DEPDC5: variants seen among roughly 807,000 people sequenced by gnomAD.
The protein encoded by DEPDC5 is DEP domain containing 5, GATOR1 subcomplex subunit.
In DEPDC5, 73 loss-of-function variants were observed where a neutral mutation model predicts 217.3. The observed-to-expected ratio is 0.34, with a 90% confidence interval of 0.28 to 0.41. The LOEUF is 0.41. DEPDC5 is among the 10% of genes least tolerant of loss of function. The pLI, the probability that DEPDC5 is intolerant of heterozygous loss-of-function variation, is 1.00. For missense variants in DEPDC5, 1,675 were observed against 2,070.1 expected, an observed-to-expected ratio of 0.81 and a Z score of 3.70; for synonymous variants, 733 against 756.7, an observed-to-expected ratio of 0.97 and a Z score of 0.51.
chr22:31,852,436 G>A (rs752186735), intron 31 of DEPDC5, among the ~76,000 whole-genome samples: 2 of 150,786 alleles, frequency 1.3e-5, no homozygotes, highest in Non-Finnish European at 2.9e-5. Context: ...CATCTTCTGG[G>A]TTCAAGTGAT....
chr22:31,812,741 T>C (rs1397529511), intron 20 of DEPDC5, among the ~76,000 whole-genome samples: 3 of 140,646 alleles, frequency 2.1e-5, no homozygotes, highest in Non-Finnish European at 4.7e-5. Flanking sequence ...CAGATTTCTT[T>C]CTTTTTTTTT....
chr22:31,767,542 G>A (rs1345992942), intron 6 of DEPDC5, among the ~76,000 whole-genome samples: 3 of 152,010 alleles, frequency 2.0e-5, no homozygotes, highest in South Asian at 2.1e-4. Flanking sequence ...CAATCTGCCC[G>A]CCTCGGCCTC....
intron 6 of DEPDC5, 23 bp from the exon 7 acceptor site, chr22:31,768,791 C>T: frequency 1.3e-6 from 2 of 1,584,770 alleles, no homozygotes; most frequent in South Asian, 1.1e-5. Flanking sequence ...CCTCTCTCTA[C>T]CCCTCTCTCC....
At chr22:31,804,786 G>A in intron 16 of DEPDC5, 56 bp from the exon 17 acceptor site, 1 of 1,563,300 alleles carries the variant, frequency 6.4e-7, no homozygotes, top group Non-Finnish European at 8.8e-7. Context: ...AGTTAGAGCA[G>A]TTCCAAAACC....
chr22:31,777,613 C>A, intron 7 of DEPDC5, among the ~76,000 whole-genome samples: 1 of 151,970 alleles, frequency 6.6e-6, no homozygotes, highest in Admixed American at 6.6e-5. Flanking sequence ...AGCCCCTGTT[C>A]ATATTCAGTA....
chr22:31,866,830 G>A (rs1469231583), intron 33 of DEPDC5, among the ~76,000 whole-genome samples: 2 of 152,022 alleles, frequency 1.3e-5, no homozygotes, highest in Non-Finnish European at 2.9e-5. Context: ...ACCCCAGAGG[G>A]GAAGTGCCCT....
intron 20 of DEPDC5, 183 bp from the exon 21 acceptor site, chr22:31,814,809 C>A: frequency 1.6e-6 from 1 of 619,372 alleles, no homozygotes. Context: ...TCCCCCCTCT[C>A]TTATATAACA....
Position 31,906,446 on chromosome 22 carries a change from G to A in DEPDC5, c.4761G>A (p.Leu1587=). The change falls in exon 43 of 43, where the codon CTG becomes CTA. Residue 1587 remains leucine, a synonymous_variant. Transcript: ENST00000651528. This position sits in a 1 kb window ranked among gnomAD's most constrained non-coding sequence, Gnocchi z 5.1. ...TCTGCATCAACCGTGACAACCGGCTGGTCACGTTCTGGACAAGTTGCCTGG... is the reference window on the plus strand; with the variant it reads ...TCTGCATCAACCGTGACAACCGGCTAGTCACGTTCTGGACAAGTTGCCTGG... ...TDFCINRDNR[L]VTFWTSCLEK... is the part of the protein sequence containing the mutation. 6.2e-7 allele frequency: 1 copy of A among 1,614,032 alleles called. No homozygotes were observed. Among genetic ancestry groups the A allele is most frequent in the Non-Finnish European group, 8.5e-7 (1 of 1,180,036 alleles).
At chr22:31,835,880 A>C (rs1331489364) in intron 25 of DEPDC5, among the ~76,000 whole-genome samples, 2 of 152,240 alleles carry the variant, frequency 1.3e-5, no homozygotes, top group Non-Finnish European at 2.9e-5. Flanking sequence ...CTTAGCACAC[A>C]AATTTTGTTC....
intron 24 of DEPDC5, 126 bp downstream of exon 24, chr22:31,822,916 C>G (rs2089834405): frequency 1.1e-6 from 1 of 938,384 alleles, no homozygotes; most frequent in African/African-American, 1.6e-5. Flanking sequence ...TTTTGGGTGA[C>G]CTATTTAGAA....
rs775170805 is a variant in DEPDC5, at chr22:31,819,062, C to T, written c.1707C>T (p.Ser569=). 1.2e-5 allele frequency: 20 copies of T among 1,614,066 alleles called. No homozygotes were observed. Among genetic ancestry groups the T allele is most frequent in the Non-Finnish European group, 1.6e-5 (19 of 1,180,026 alleles). The change falls in exon 22 of 43, where the codon TCC becomes TCT. Residue 569 remains serine (S), a synonymous_variant. Coordinates refer to ENST00000651528, the MANE Select transcript of DEPDC5 (RefSeq NM_001242896.3). ...TGATGGAGCCACCACAGCGAGACTCCAGTGCACCAGGGAGGTTTCACGTTG... is the reference window on the plus strand; with the variant it reads ...TGATGGAGCCACCACAGCGAGACTCTAGTGCACCAGGGAGGTTTCACGTTG... ...ENMMEPPQRD[S]SAPGRFHVGS...
At chr22:31,905,031 C>G (rs2093731554) in intron 41 of DEPDC5, among the ~76,000 whole-genome samples, 1 of 152,088 alleles carries the variant, frequency 6.6e-6, no homozygotes, top group South Asian at 2.1e-4. Flanking sequence ...ACATCTGTTA[C>G]CACGTCCTTT....
At chr22:31,800,385 G>A (rs1178328083) in intron 14 of DEPDC5, among the ~76,000 whole-genome samples, 1 of 152,168 alleles carries the variant, frequency 6.6e-6, no homozygotes, top group African/African-American at 2.4e-5. Context: ...CCAGACCTAG[G>A]TGATGATGCC....
At chr22:31,782,206 T>C (rs950825281) in intron 8 of DEPDC5, among the ~76,000 whole-genome samples, 1 of 151,738 alleles carries the variant, frequency 6.6e-6, no homozygotes, top group African/African-American at 2.4e-5. Flanking sequence ...GGTATGATCT[T>C]GGCTCACTGC....
intron 21 of DEPDC5, 25 bp from the exon 22 acceptor site, chr22:31,818,997 G>A (rs376651048): frequency 1.9e-6 from 3 of 1,613,402 alleles, no homozygotes; most frequent in African/African-American, 2.7e-5. Context: ...TTTTCTTTGT[G>A]ACTCAACTCC....
At chr22:31,781,363 C>T (rs956169243) in intron 8 of DEPDC5, among the ~76,000 whole-genome samples, 6 of 152,090 alleles carry the variant, frequency 3.9e-5, no homozygotes, top group African/African-American at 1.2e-4. Context: ...TCCAGCAGTC[C>T]TTTTCAGTAT....
At chr22:31,864,453 G>C (rs2092617102) in intron 33 of DEPDC5, among the ~76,000 whole-genome samples, 1 of 145,320 alleles carries the variant, frequency 6.9e-6, no homozygotes, top group South Asian at 2.2e-4. Context: ...ATGTTAGGGA[G>C]CTGTGTTAGG....
chr22:31,781,007 G>T (rs993688816), intron 8 of DEPDC5, among the ~76,000 whole-genome samples: 1 of 152,014 alleles, frequency 6.6e-6, no homozygotes, highest in Admixed American at 6.6e-5. Flanking sequence ...ACCTGATGTC[G>T]GGAGTTTGAG....
chr22:31,800,583 A>T (rs2086764002), intron 14 of DEPDC5, among the ~76,000 whole-genome samples: 1 of 151,858 alleles, frequency 6.6e-6, no homozygotes, highest in Non-Finnish European at 1.5e-5. Flanking sequence ...ATTATTTTCC[A>T]CCCCATCCCT....
Sources: allele counts gnomAD v4.1 joint callset (sites outside exome capture counted in the v4.1 genomes callset), GRCh38; gene constraint gnomAD v4.1.1; non-coding constraint Gnocchi (gnomAD v3.1); transcripts MANE v1.5; gene names NCBI Gene and HGNC (gene_info 2026-07-23, HGNC 2026-07-21).